The following AR variants were observed in gnomAD, a reference collection of about 807,000 sequenced individuals.
AR encodes dihydrotestosterone receptor.
A neutral mutation model predicts 53.9 loss-of-function variants in AR; 8 were observed. The observed-to-expected ratio is 0.15, with a 90% CI of 0.09 to 0.27. The LOEUF is 0.27. AR is among the 10% of genes least tolerant of loss of function. The probability of loss-of-function intolerance (pLI) is 1.00; values close to 1 mark genes in which losing one functional copy is unlikely to be tolerated. For synonymous variants in AR, 359 were observed against 316.4 expected (o/e 1.13, Z -1.43); for missense variants, 639 against 742.5 (o/e 0.86, Z 1.62).
intron 2 of AR, among the ~76,000 whole-genome samples, chrX:67,659,028 T>C (rs1443985106): frequency 9.0e-6 from 1 of 111,011 alleles, no homozygotes; most frequent in Admixed American, 9.6e-5. Flanking sequence ...GATCAGATTT[T>C]CTTTTTTAGG....
At chrX:67,710,549 T>C (rs1023610521) in intron 3 of AR, among the ~76,000 whole-genome samples, 1 of 110,822 alleles carries the variant, frequency 9.0e-6, no homozygotes, top group Non-Finnish European at 1.9e-5. Context: ...CTCAGGCTGA[T>C]CTTGAGCTCC....
At chrX:67,563,139 C>T (rs1921408309) in intron 1 of AR, among the ~76,000 whole-genome samples, 1 of 111,423 alleles carries the variant, frequency 9.0e-6, no homozygotes, top group Non-Finnish European at 1.9e-5. Flanking sequence ...TCCAAAATGC[C>T]CATTTGGATG....
chrX:67,652,739 A>G (rs1483052960), intron 2 of AR, among the ~76,000 whole-genome samples: 1 of 111,742 alleles, frequency 8.9e-6, no homozygotes, highest in Admixed American at 9.5e-5. Context: ...AGTCCCTGAT[A>G]GTCATCTCTG....
At chrX:67,696,660 G>A (rs1313525135) in intron 3 of AR, among the ~76,000 whole-genome samples, 1 of 111,449 alleles carries the variant, frequency 9.0e-6, no homozygotes, top group South Asian at 3.8e-4. Flanking sequence ...GAATCAAGGA[G>A]CCTTCTTGCC....
At chrX:67,641,702 A>T (rs1322371669) in intron 1 of AR, among the ~76,000 whole-genome samples, 1 of 111,247 alleles carries the variant, frequency 9.0e-6, no homozygotes, top group Non-Finnish European at 1.9e-5. Context: ...TTTGCAAATC[A>T]GTAGAATTTT....
intron 2 of AR, among the ~76,000 whole-genome samples, chrX:67,651,155 C>G (rs779980976): frequency 2.2e-4 from 24 of 108,644 alleles, no homozygotes; most frequent in Non-Finnish European, 4.0e-4. Flanking sequence ...ATTTTCCTGC[C>G]TCACCCTCCT....
chrX:67,712,742 G>T (rs951425201), intron 4 of AR, among the ~76,000 whole-genome samples: 2 of 111,925 alleles, frequency 1.8e-5, no homozygotes, highest in Non-Finnish European at 1.9e-5. Context: ...CCCTTTAAAG[G>T]TTCTCCTAAT....
rs2076153378 is a variant in AR, at chrX:67,725,335, G to A, written c.*1494G>A. 1 of 175,557 alleles carries A rather than the reference G, an allele frequency of 5.7e-6. No homozygotes were observed. The allele number at this position is 175,557 out of a possible 1,213,427, so 14.5% of individuals were successfully genotyped here. On this transcript the variant is annotated 3_prime_UTR_variant, in exon 8 of 8. Coordinates refer to ENST00000374690, the MANE Select transcript of AR (RefSeq NM_000044.6). Reference sequence around the variant, plus strand: ...TGGAAAGAAGGCATCAAAGGGATCAGGCAAGCTGGGCGTCTTGCCCTTGTC... The same window carrying A: ...TGGAAAGAAGGCATCAAAGGGATCAAGCAAGCTGGGCGTCTTGCCCTTGTC...
chrX:67,549,578 A>G (rs1314541833), intron 1 of AR, among the ~76,000 whole-genome samples: 1 of 111,963 alleles, frequency 8.9e-6, no homozygotes, highest in African/African-American at 3.3e-5. Context: ...AAACAGGACT[A>G]CAACTTTGTT....
intron 2 of AR, among the ~76,000 whole-genome samples, chrX:67,669,432 A>T (rs999479917): frequency 3.6e-5 from 4 of 111,493 alleles, no homozygotes; most frequent in Non-Finnish European, 5.7e-5. Flanking sequence ...ATTGTTAATA[A>T]TTTTTTTAAA....
At chrX:67,706,862 G>A (rs2076070401) in intron 3 of AR, among the ~76,000 whole-genome samples, 1 of 111,758 alleles carries the variant, frequency 8.9e-6, no homozygotes, top group East Asian at 2.8e-4. Context: ...TGTTCTCATT[G>A]GTTTCAAGGA....
At chrX:67,669,623 C>A (rs781044382) in intron 2 of AR, among the ~76,000 whole-genome samples, 3 of 111,276 alleles carry the variant, frequency 2.7e-5, no homozygotes, top group Non-Finnish European at 3.8e-5. Context: ...ATGATCTCTT[C>A]AGTGCTGAAA....
chrX:67,661,349 T>G (rs2147462316), intron 2 of AR, among the ~76,000 whole-genome samples: 1 of 111,064 alleles, frequency 9.0e-6, no homozygotes, highest in South Asian at 3.8e-4. Flanking sequence ...TGGCTGTGGG[T>G]TTGTCATAGA....
At chrX:67,722,295 C>G (rs990322532) in intron 6 of AR, 8 of 258,307 alleles carry the variant, frequency 3.1e-5, no homozygotes, top group African/African-American at 2.2e-4. Flanking sequence ...ACATGGGCCA[C>G]CTTGTATTCT....
At position 67,591,502 on chromosome X, in the gene AR, C is replaced by T. The variant is rs752118616; in HGVS notation, c.1616+44740C>T. Among the ~76,000 whole-genome samples the T allele has an allele frequency of 7.2e-5, 8 of 111,462 alleles. No homozygotes were observed. The South Asian group carries it at 1.9e-3, about 27-fold the overall frequency. On this transcript the variant is annotated intron_variant, in intron 1 of 7. Transcript: ENST00000374690. ...TGGTTCCCTTCTCCTACCTCCATTGCGGATGAAAGCTTAATCTTTAAGATG... is the reference window on the plus strand; with the variant it reads ...TGGTTCCCTTCTCCTACCTCCATTGTGGATGAAAGCTTAATCTTTAAGATG...
At chrX:67,711,364 A>G (rs1386197929) in intron 3 of AR, 38 bp from the exon 4 acceptor site, 4 of 1,166,914 alleles carry the variant, frequency 3.4e-6, no homozygotes, top group Non-Finnish European at 4.6e-6. Context: ...GTTTTTGACC[A>G]CTGATGATAA....
chrX:67,611,067 A>T (rs965369565), intron 1 of AR, among the ~76,000 whole-genome samples: 1 of 111,844 alleles, frequency 8.9e-6, no homozygotes, highest in Non-Finnish European at 1.9e-5. Context: ...GTAGTGAAGG[A>T]CTATATAATT....
At chrX:67,617,034 G>A (rs780770458) in intron 1 of AR, among the ~76,000 whole-genome samples, 1 of 111,702 alleles carries the variant, frequency 9.0e-6, no homozygotes, top group East Asian at 2.8e-4. Context: ...CGGGAGCAAG[G>A]CAAAAGAATG....
chrX:67,602,356 CT>C (rs1602184481), intron 1 of AR, among the ~76,000 whole-genome samples: 1 of 111,729 alleles, frequency 9.0e-6, no homozygotes, highest in South Asian at 3.7e-4. Context: ...ATACCTTGTC[CT>C]TGTATGATTC....
Sources: allele counts gnomAD v4.1 joint callset (sites outside exome capture counted in the v4.1 genomes callset), GRCh38; gene constraint gnomAD v4.1.1; transcripts MANE v1.5; gene names NCBI Gene and HGNC (gene_info 2026-07-23, HGNC 2026-07-21).